The following WWP1 variants were observed in gnomAD, a reference collection of about 807,000 sequenced individuals.
WWP1 encodes the protein WW domain containing E3 ubiquitin protein ligase 1.
In WWP1, 49 loss-of-function variants were observed where a neutral mutation model predicts 130.6. The ratio of observed to expected loss-of-function variants is 0.38; its 90% CI spans 0.30 to 0.48. The LOEUF is 0.48. Ranked by LOEUF, WWP1 falls within the 20% of genes least tolerant of loss-of-function variation. The pLI is 0.99. For synonymous variants in WWP1, 332 were observed against 367.8 expected (o/e 0.90, Z 1.11); for missense variants, 809 against 1,100.6 (o/e 0.74, Z 3.75).
At chr8:86,412,608 C>T (rs2130571025) in intron 9 of WWP1, among the ~76,000 whole-genome samples, 1 of 152,130 alleles carries the variant, frequency 6.6e-6, no homozygotes, top group Admixed American at 6.5e-5. Flanking sequence ...ATCAGAATGT[C>T]AACTGTTGTA....
chr8:86,461,297 TAGG>T lies in WWP1; in HGVS notation c.2578_2580del (p.Gly860del), dbSNP rs759089340. On this transcript the variant is annotated inframe_deletion, in exon 23 of 25. Coordinates refer to ENST00000517970, the MANE Select transcript of WWP1 (RefSeq NM_007013.4). ...GTCACTGGAACCTGCCGTTTACCTC[TAGG>T]AGGATTTGCTGAGCTCATGGGTAAA... 3.1e-6 allele frequency: 5 copies of T among 1,613,864 alleles called. No individual in the cohort carries two copies. The highest frequency in any genetic ancestry group is 4.2e-6 in the Non-Finnish European group (5 of 1,179,746).
chr8:86,395,548 G>T (rs1318084921), intron 5 of WWP1, among the ~76,000 whole-genome samples: 1 of 152,090 alleles, frequency 6.6e-6, no homozygotes, highest in Non-Finnish European at 1.5e-5. Flanking sequence ...CTAGGTCAGG[G>T]TTAAACCCTG....
At chr8:86,398,663 G>A in intron 7 of WWP1, 25 bp downstream of exon 7, 1 of 1,606,942 alleles carries the variant, frequency 6.2e-7, no homozygotes, top group Non-Finnish European at 8.5e-7. Flanking sequence ...TTGAATATGG[G>A]TGGCGACATG....
At chr8:86,364,467 G>A (rs1050315989) in intron 1 of WWP1, among the ~76,000 whole-genome samples, 1 of 152,146 alleles carries the variant, frequency 6.6e-6, no homozygotes, top group Non-Finnish European at 1.5e-5. Flanking sequence ...TTAATGAGAG[G>A]TAAATTTTGA....
chr8:86,437,156 G>C (rs1810337475), intron 16 of WWP1, among the ~76,000 whole-genome samples: 1 of 152,218 alleles, frequency 6.6e-6, no homozygotes, highest in Non-Finnish European at 1.5e-5. Flanking sequence ...ATGCTGGTGA[G>C]CTGTGCTCCA....
chr8:86,430,414 G>T (rs932658011), intron 11 of WWP1, among the ~76,000 whole-genome samples: 2 of 151,892 alleles, frequency 1.3e-5, no homozygotes, highest in African/African-American at 2.4e-5. Flanking sequence ...CCAAGTAGCT[G>T]GGACTTTAGG....
At chr8:86,399,128 T>A (rs1258353102) in intron 7 of WWP1, among the ~76,000 whole-genome samples, 1 of 152,212 alleles carries the variant, frequency 6.6e-6, no homozygotes. Context: ...GCATATACAG[T>A]GCTTTATTTT....
At chr8:86,445,194 G>A (rs1188517097) in intron 18 of WWP1, among the ~76,000 whole-genome samples, 4 of 152,098 alleles carry the variant, frequency 2.6e-5, no homozygotes, top group Admixed American at 6.5e-5. Flanking sequence ...TTGTTTTTCT[G>A]GTTTAATTTT....
intron 1 of WWP1, among the ~76,000 whole-genome samples, chr8:86,360,743 A>T (rs1823543477): frequency 6.6e-6 from 1 of 152,186 alleles, no homozygotes; most frequent in Admixed American, 6.5e-5. Flanking sequence ...TACCTTGCAG[A>T]GTTGGGGGTA....
At chr8:86,399,739 T>A (rs1330165613) in intron 7 of WWP1, among the ~76,000 whole-genome samples, 1 of 152,206 alleles carries the variant, frequency 6.6e-6, no homozygotes, top group Non-Finnish European at 1.5e-5. Context: ...GAATTAAAGA[T>A]TAGTTCTACA....
At chr8:86,374,148 G>T in intron 3 of WWP1, 28 bp downstream of exon 3, 1 of 1,551,620 alleles carries the variant, frequency 6.4e-7, no homozygotes, top group Non-Finnish European at 8.8e-7. Flanking sequence ...TTAATATGGT[G>T]ATTCCCTGAT....
intron 3 of WWP1, among the ~76,000 whole-genome samples, chr8:86,379,288 A>G (rs778310751): frequency 2.6e-5 from 4 of 152,204 alleles, no homozygotes; most frequent in Non-Finnish European, 2.9e-5. Context: ...CAGTTCAGAC[A>G]TAACATTGAA....
intron 5 of WWP1, among the ~76,000 whole-genome samples, chr8:86,395,489 CAA>C (rs57839782): frequency 0.37 from 56,748 of 151,772 alleles, 11,398 homozygotes; most frequent in Middle Eastern, 0.48. Flanking sequence ...CTGTCCCAAA[CAA>C]GAGAGCAAAG....
At chr8:86,437,317 A>G (rs1810346506) in intron 16 of WWP1, among the ~76,000 whole-genome samples, 1 of 152,262 alleles carries the variant, frequency 6.6e-6, no homozygotes, top group African/African-American at 2.4e-5. Context: ...AAGTTATACT[A>G]GCCTGTGAAT....
chr8:86,455,943 A>C (rs1811421426), intron 21 of WWP1, among the ~76,000 whole-genome samples: 1 of 151,824 alleles, frequency 6.6e-6, no homozygotes, highest in Non-Finnish European at 1.5e-5. Context: ...TAGAATGTCC[A>C]GAAGTAGATC....
chr8:86,352,620 C>T (rs769594885), intron 1 of WWP1, among the ~76,000 whole-genome samples: 3 of 152,104 alleles, frequency 2.0e-5, no homozygotes, highest in African/African-American at 4.8e-5. Context: ...TCACCTTGCC[C>T]TCTCTCCCAA....
chr8:86,451,243 A>G (rs1398289926), intron 20 of WWP1, among the ~76,000 whole-genome samples: 1 of 128,174 alleles, frequency 7.8e-6, no homozygotes, highest in Admixed American at 8.1e-5. Flanking sequence ...AAAAAAAAAA[A>G]AAAAAAAAAA....
intron 17 of WWP1, 128 bp downstream of exon 17, chr8:86,438,801 A>G (rs896639410): frequency 4.5e-6 from 3 of 663,658 alleles, no homozygotes; most frequent in African/African-American, 3.6e-5. Context: ...ATTTTTCTCA[A>G]AAATACACAC....
At chr8:86,463,459 A>C (rs932024478) in intron 24 of WWP1, among the ~76,000 whole-genome samples, 2 of 151,820 alleles carry the variant, frequency 1.3e-5, no homozygotes, top group African/African-American at 4.8e-5. Context: ...GGCGCGCACC[A>C]CCACGCCCAG....
Sources: gnomAD v4.1 joint callset for allele counts (sites outside exome capture counted in the v4.1 genomes callset) on GRCh38, gnomAD v4.1.1 for gene constraint, MANE v1.5 for transcripts, NCBI Gene and HGNC (gene_info 2026-07-23, HGNC 2026-07-21) for gene names.